CSE1L: variants seen among roughly 807,000 people sequenced by gnomAD.
The protein encoded by CSE1L is chromosome segregation 1 like.
In CSE1L, 24 loss-of-function variants were observed where a neutral mutation model predicts 120.4. The observed-to-expected ratio is 0.20, with a 90% CI of 0.14 to 0.28. The LOEUF (loss-of-function observed/expected upper bound fraction) is 0.28. CSE1L is among the 10% of genes least tolerant of loss of function. The pLI, the probability that CSE1L is intolerant of heterozygous loss-of-function variation, is 1.00. For missense variants in CSE1L, 830 were observed against 1,145.2 expected (o/e 0.72, Z 3.97); for synonymous variants, 402 against 398.3 (o/e 1.01, Z -0.11).
chr20:49,072,402 A>G lies in CSE1L; in HGVS notation c.885A>G (p.Thr295=), dbSNP rs1412583401. The G allele has an allele frequency of 1.9e-6, 3 of 1,614,098 alleles. No individual in the cohort carries two copies. Among genetic ancestry groups the G allele is most frequent in the Non-Finnish European group, 2.5e-6 (3 of 1,180,044 alleles). Residue 295 remains threonine (T), a synonymous_variant, in exon 9 of 25, where the codon ACA becomes ACG. Coordinates refer to ENST00000262982, the MANE Select transcript of CSE1L (RefSeq NM_001316.4). ...EFQRYLPRFV[T]AIWNLLVTTG... is the part of the protein sequence containing the mutation. ...AGCGATACCTGCCTCGTTTTGTTACAGCCATCTGGAATTTACTAGTTACAA... is the reference window on the plus strand; with the variant it reads ...AGCGATACCTGCCTCGTTTTGTTACGGCCATCTGGAATTTACTAGTTACAA...
chr20:49,089,886 A>G (rs560417371), intron 19 of CSE1L, 140 bp downstream of exon 19: 14 of 733,428 alleles, frequency 1.9e-5, no homozygotes, highest in Non-Finnish European at 3.1e-5. Flanking sequence ...GGGAGCCTCT[A>G]GTGGGAGGAT....
chr20:49,058,107 T>G (rs1649006544), intron 1 of CSE1L, among the ~76,000 whole-genome samples: 1 of 151,720 alleles, frequency 6.6e-6, no homozygotes, highest in South Asian at 2.1e-4. Flanking sequence ...CTCCAGTGAT[T>G]TTTTTTTTCT....
intron 11 of CSE1L, among the ~76,000 whole-genome samples, 192 bp downstream of exon 11, chr20:49,075,042 G>T (rs558715586): frequency 1.1e-4 from 17 of 152,028 alleles, no homozygotes; most frequent in Non-Finnish European, 2.2e-4. Flanking sequence ...ATCAAAAGTT[G>T]AATCATTTGT....
chr20:49,067,157 T>C, intron 5 of CSE1L, 33 bp from the exon 6 acceptor site: 1 of 1,418,582 alleles, frequency 7.0e-7, no homozygotes, highest in Non-Finnish European at 9.9e-7. Flanking sequence ...AAAAAAAACT[T>C]GTAAATTTAT....
intron 16 of CSE1L, among the ~76,000 whole-genome samples, chr20:49,086,067 ACACAGGCAGCTGTATCCATC>A (rs1185229728): frequency 2.0e-5 from 3 of 152,290 alleles, no homozygotes; most frequent in African/African-American, 7.2e-5. Context: ...ACTGCCAAGG[ACACAGGCAGCTGTATCCATC>A]CACAGGCTGG....
intron 7 of CSE1L, among the ~76,000 whole-genome samples, chr20:49,069,769 A>G (rs2091918772): frequency 6.6e-6 from 1 of 152,238 alleles, no homozygotes; most frequent in Non-Finnish European, 1.5e-5. Flanking sequence ...ATCTACCCTC[A>G]GGGGACTTGT....
At chr20:49,094,643 C>G in intron 23 of CSE1L, 89 bp from the exon 24 acceptor site, 3 of 845,620 alleles carry the variant, frequency 3.5e-6, no homozygotes, top group Non-Finnish European at 5.8e-6. Flanking sequence ...GACTATGAGT[C>G]TGTAATTTTG....
rs1568769017 is a variant in CSE1L, at chr20:49,065,312, A to ATTTTTTTTTTT, written c.229-880_229-879insTTTTTTTTTTT. 2.3e-4 allele frequency among the ~76,000 whole-genome samples: 18 copies of ATTTTTTTTTTT among 79,398 alleles called. 1 individual carries two copies. Among genetic ancestry groups the ATTTTTTTTTTT allele is most frequent in the African/African-American group, 3.6e-4 (7 of 19,344 alleles). 52.1% of individuals were successfully genotyped at this position (79,398 alleles called of 152,430 possible). ...TAGTTTACATATGAAATGAAAAAAA[A>ATTTTTTTTTTT]ATTTTTTTTTTTTTTTTTTTTTTTT... is the stretch of plus-strand genomic sequence containing the variant. On this transcript the variant is annotated intron_variant, in intron 3 of 24. Coordinates refer to ENST00000262982, the MANE Select transcript of CSE1L (RefSeq NM_001316.4).
intron 16 of CSE1L, 57 bp from the exon 17 acceptor site, chr20:49,087,948 GCTCT>G: frequency 1.8e-6 from 2 of 1,134,446 alleles, no homozygotes; most frequent in Non-Finnish European, 2.5e-6. Context: ...CCCCCCAGTC[GCTCT>G]CTTATTCTGA....
intron 10 of CSE1L, 30 bp from the exon 11 acceptor site, chr20:49,074,755 T>C (rs2091958039): frequency 6.3e-7 from 1 of 1,587,698 alleles, no homozygotes. Flanking sequence ...TCTTTTGGAG[T>C]GTTATCTGAA....
chr20:49,066,158 T>C, intron 3 of CSE1L, 34 bp from the exon 4 acceptor site: 1 of 1,555,098 alleles, frequency 6.4e-7, no homozygotes, highest in Admixed American at 1.7e-5. Context: ...ATGTGGATTT[T>C]GTGTTACTTC....
intron 2 of CSE1L, among the ~76,000 whole-genome samples, chr20:49,058,800 C>CT (rs2091828884): frequency 6.6e-6 from 1 of 152,094 alleles, no homozygotes; most frequent in South Asian, 2.1e-4. Flanking sequence ...GTTTAGAATG[C>CT]TTTGTCTTTG....
intron 13 of CSE1L, among the ~76,000 whole-genome samples, chr20:49,077,733 C>T (rs187339939): frequency 5.7e-4 from 87 of 152,124 alleles, no homozygotes; most frequent in African/African-American, 1.9e-3. Context: ...TGGCCGGGTG[C>T]GGTGGCTCAC....
chr20:49,050,512 C>T (rs1226464085), intron 1 of CSE1L, among the ~76,000 whole-genome samples: 2 of 149,060 alleles, frequency 1.3e-5, no homozygotes, highest in African/African-American at 2.5e-5. Flanking sequence ...AAGCAATTCT[C>T]CTGTCTCAGC....
intron 16 of CSE1L, among the ~76,000 whole-genome samples, chr20:49,086,612 G>A (rs922214109): frequency 5.9e-5 from 9 of 151,988 alleles, no homozygotes; most frequent in African/African-American, 1.9e-4. Context: ...TGATCCACCC[G>A]CCTCAGCCTC....
intron 21 of CSE1L, 125 bp downstream of exon 21, chr20:49,091,147 G>C: frequency 5.6e-6 from 4 of 711,490 alleles, no homozygotes; most frequent in Non-Finnish European, 9.5e-6. Context: ...ACTTGGCCAC[G>C]TGTGGAGGTT....
rs1276752578 is a variant in CSE1L, at chr20:49,046,378, C to G, written c.-57C>G. On this transcript the variant is annotated 5_prime_UTR_variant, in exon 1 of 25. Coordinates refer to ENST00000262982, the MANE Select transcript of CSE1L (RefSeq NM_001316.4). ...CGGCAGGAGCGGGTAGTGCCAGCTA[C>G]GGTCCGCGGCTGGGGTTCCCTCCTC... is the stretch of plus-strand genomic sequence containing the variant. 1.3e-5 allele frequency: 2 copies of G among 152,682 alleles called. No individual in the cohort carries two copies. The highest frequency in any genetic ancestry group is 4.8e-5 in the African/African-American group (2 of 41,596). The allele number at this position is 152,682 out of a possible 1,614,324, so 9.5% of individuals were successfully genotyped here.
chr20:49,067,716 A>AAT lies in CSE1L; in HGVS notation c.567+446_567+447dup, dbSNP rs576183201. ...GTGAAAATCCTATAAGATTTAAAGAAATATATATATACTTTTTTTCTTTTT... is the reference window on the plus strand; with the variant it reads ...GTGAAAATCCTATAAGATTTAAAGAAATATATATATATACTTTTTTTCTTTTT... On this transcript the variant is annotated intron_variant, in intron 6 of 24. Transcript: ENST00000262982. Among the ~76,000 whole-genome samples the AAT allele has an allele frequency of 1.5e-3, 224 of 151,764 alleles. 1 individual carries two copies. The highest frequency in any genetic ancestry group is 0.01 in the Middle Eastern group (3 of 294).
chr20:49,051,805 C>CT (rs2091768233), intron 1 of CSE1L, among the ~76,000 whole-genome samples: 1 of 152,168 alleles, frequency 6.6e-6, no homozygotes, highest in South Asian at 2.1e-4. Context: ...TTAACCAGTC[C>CT]TTCTGCCTCA....
Sources: allele counts gnomAD v4.1 joint callset (sites outside exome capture counted in the v4.1 genomes callset), GRCh38; gene constraint gnomAD v4.1.1; transcripts MANE v1.5; gene names NCBI Gene and HGNC (gene_info 2026-07-23, HGNC 2026-07-21).